Variants in LMNB1 observed in about 807,000 individuals in gnomAD.
LMNB1 encodes lamin-B1.
In LMNB1, 23 loss-of-function variants were observed where a neutral mutation model predicts 67.1. The observed-to-expected ratio is 0.34, with a 90% CI of 0.25 to 0.49. LMNB1 has a LOEUF of 0.49. LMNB1 is among the 20% of genes least tolerant of loss of function. The pLI is 0.99. For missense variants in LMNB1, 634 were observed against 746.5 expected (o/e 0.85, Z 1.76); for synonymous variants, 281 against 282.9 (o/e 0.99, Z 0.07).
At chr5:126,793,322 A>ATT (rs11397545) in intron 1 of LMNB1, among the ~76,000 whole-genome samples, 30 of 148,570 alleles carry the variant, frequency 2.0e-4, no homozygotes, top group South Asian at 1.3e-3. Flanking sequence ...TGTTACAGTG[A>ATT]TTTTTTTTTT....
rs899521049 is a variant in LMNB1 at position 126,777,562 on chromosome 5, C to A, written c.54C>A (p.Pro18=). The change falls in exon 1 of 11, where the codon CCC becomes CCA. Residue 18 remains proline, a synonymous_variant. Coordinates refer to ENST00000261366, the MANE Select transcript of LMNB1 (RefSeq NM_005573.4). Reference sequence around the variant, plus strand: ...GGATGGGCAGCCGCGCTGGCGGCCCCACCACGCCGCTGAGCCCCACGCGCC... The same window carrying A: ...GGATGGGCAGCCGCGCTGGCGGCCCAACCACGCCGCTGAGCCCCACGCGCC... ...PPRMGSRAGG[P]TTPLSPTRLS... The A allele has an allele frequency of 9.5e-6, 14 of 1,470,074 alleles. No homozygotes were observed. Among genetic ancestry groups the A allele is most frequent in the Non-Finnish European group, 1.3e-5 (14 of 1,106,984 alleles). 91.1% of individuals were successfully genotyped at this position (1,470,074 alleles called of 1,614,324 possible). A position where few individuals can be genotyped will look rare whatever the true frequency, so the allele number is the denominator to read the frequency against.
chr5:126,777,258 T>G lies in LMNB1; in HGVS notation c.-251T>G. On this transcript the variant is annotated 5_prime_UTR_variant, in exon 1 of 11. Coordinates refer to ENST00000261366, the MANE Select transcript of LMNB1 (RefSeq NM_005573.4). ...CCGCGTGCGTGTGTGAGTGGGTGTG[T>G]GTGTTTTCTTACAAAGGGTATTTCG... 2.8e-6 allele frequency: 1 copy of G among 352,336 alleles called. No homozygotes were observed. Among genetic ancestry groups the G allele is most frequent in the Non-Finnish European group, 5.1e-6 (1 of 197,960 alleles). 21.8% of individuals were successfully genotyped at this position (352,336 alleles called of 1,614,324 possible). A position where few individuals can be genotyped will look rare whatever the true frequency, so the allele number is the denominator to read the frequency against.
intron 1 of LMNB1, among the ~76,000 whole-genome samples, chr5:126,799,901 A>C (rs1399763841): frequency 6.6e-6 from 1 of 152,040 alleles, no homozygotes; most frequent in East Asian, 1.9e-4. Context: ...GCGGTAGCTG[A>C]CTCTTGAGTT....
rs201855609 is a variant in LMNB1, at chr5:126,798,784, T to TGTGC, written c.360-5991_360-5990insTGCG. Among the ~76,000 whole-genome samples the TGTGC allele has an allele frequency of 7.4e-3, 1,122 of 151,646 alleles. 9 individuals are homozygous for TGTGC. Among genetic ancestry groups the TGTGC allele is most frequent in the African/African-American group, 0.025 (1,023 of 41,320 alleles). ...AGAAGTGTGTGTGTGTGTGTGTGTGTGCGTGTGCTTGTAACATTTAGCAAA... is the reference window on the plus strand; with the variant it reads ...AGAAGTGTGTGTGTGTGTGTGTGTGTGTGCGCGTGTGCTTGTAACATTTAGCAAA... On this transcript the variant is annotated intron_variant, in intron 1 of 10. Transcript: ENST00000261366.
At chr5:126,779,726 C>T (rs1028873187) in intron 1 of LMNB1, among the ~76,000 whole-genome samples, 11 of 151,652 alleles carry the variant, frequency 7.3e-5, no homozygotes, top group African/African-American at 2.7e-4. Flanking sequence ...GGTGAAACCC[C>T]GTCTCTACTA....
intron 1 of LMNB1, among the ~76,000 whole-genome samples, chr5:126,779,032 G>A (rs1157962688): frequency 6.6e-6 from 1 of 152,162 alleles, no homozygotes. Flanking sequence ...GAAATTCATG[G>A]TCGCCATTAG....
In LMNB1 at chr5:126,777,420, G is replaced by T; in HGVS notation, c.-89G>T. ...ACGTGAGCGCAGGTCGCCGGTTTGT[G>T]CCTTCGGTCCCCGCTTCGCCCCCTG... On this transcript the variant is annotated 5_prime_UTR_variant, in exon 1 of 11. Coordinates refer to ENST00000261366, the MANE Select transcript of LMNB1 (RefSeq NM_005573.4). 3 of 1,245,198 alleles carry T rather than the reference G, an allele frequency of 2.4e-6. No homozygotes were observed. Among genetic ancestry groups the T allele is most frequent in the Non-Finnish European group, 3.0e-6 (3 of 995,304 alleles). 77.1% of individuals were successfully genotyped at this position (1,245,198 alleles called of 1,614,324 possible).
intron 3 of LMNB1, 99 bp from the exon 4 acceptor site, chr5:126,810,081 T>A: frequency 9.0e-7 from 1 of 1,110,850 alleles, no homozygotes; most frequent in Non-Finnish European, 1.3e-6. Context: ...CAGGAGGAAG[T>A]TCGTGTGTAA....
chr5:126,821,169 C>T, intron 7 of LMNB1, 34 bp downstream of exon 7: 1 of 1,397,404 alleles, frequency 7.2e-7, no homozygotes. Context: ...TCTAGCAAGG[C>T]TTTGTGGATT....
At chr5:126,783,241 C>A (rs1339745835) in intron 1 of LMNB1, among the ~76,000 whole-genome samples, 2 of 151,806 alleles carry the variant, frequency 1.3e-5, no homozygotes, top group Non-Finnish European at 2.9e-5. Context: ...AAAAAACAAA[C>A]CTTCATCATC....
chr5:126,791,189 T>C (rs2112933923), intron 1 of LMNB1, among the ~76,000 whole-genome samples: 1 of 152,190 alleles, frequency 6.6e-6, no homozygotes, highest in East Asian at 1.9e-4. Context: ...TGTTCCTTGT[T>C]GTAGATCTCT....
intron 1 of LMNB1, 75 bp from the exon 2 acceptor site, chr5:126,804,701 C>T: frequency 7.5e-7 from 1 of 1,327,172 alleles, no homozygotes; most frequent in South Asian, 1.5e-5. Flanking sequence ...TTTTGTTTGT[C>T]CCTTCAGCAG....
chr5:126,787,546 A>ATATATATATATATATATATTT, intron 1 of LMNB1, among the ~76,000 whole-genome samples: 19 of 65,558 alleles, frequency 2.9e-4, no homozygotes, highest in African/African-American at 9.2e-4. Context: ...ATATATATAT[A>ATATATATATATATATATATTT]TTTTTTTTTT....
rs1273815816 is a variant in LMNB1 at position 126,836,946 on chromosome 5, T to C, written c.*682T>C. On this transcript the variant is annotated 3_prime_UTR_variant, in exon 11 of 11. Coordinates refer to ENST00000261366, the MANE Select transcript of LMNB1 (RefSeq NM_005573.4). ...TTTCTCTATTAAAATGCATTCGTTGTGTTTTTTAAGATAGTGTAACTTGCT... is the reference window on the plus strand; with the variant it reads ...TTTCTCTATTAAAATGCATTCGTTGCGTTTTTTAAGATAGTGTAACTTGCT... 1 of 398,216 alleles carries C rather than the reference T, an allele frequency of 2.5e-6. No individual in the cohort carries two copies. The highest frequency in any genetic ancestry group is 4.4e-6 in the Non-Finnish European group (1 of 225,946). 24.7% of individuals were successfully genotyped at this position (398,216 alleles called of 1,614,324 possible).
intron 3 of LMNB1, among the ~76,000 whole-genome samples, chr5:126,809,971 T>C (rs999448311): frequency 2.0e-5 from 3 of 151,580 alleles, no homozygotes; most frequent in African/African-American, 7.3e-5. Context: ...TTCCTAAGGC[T>C]TGAGATGCTA....
In LMNB1 at chr5:126,827,183, T is replaced by G. The variant is rs1481289835; in HGVS notation, c.1611+1076T>G. Among the ~76,000 whole-genome samples, 3 of 152,156 alleles carry G rather than the reference T, an allele frequency of 2.0e-5. No individual in the cohort carries two copies. The East Asian group carries it at 5.8e-4, about 29-fold the overall frequency. On this transcript the variant is annotated intron_variant, in intron 9 of 10. Coordinates refer to ENST00000261366, the MANE Select transcript of LMNB1 (RefSeq NM_005573.4). ...TAGGGAAGCTAACCATATTTACAAG[T>G]GCAGGGCTATTCATTTATTTGGAAA...
chr5:126,777,571 G>A lies in LMNB1; in HGVS notation c.63G>A (p.Pro21=). Residue 21 remains proline, a synonymous_variant, in exon 1 of 11, where the codon CCG becomes CCA. Coordinates refer to ENST00000261366, the MANE Select transcript of LMNB1 (RefSeq NM_005573.4). ...MGSRAGGPTT[P]LSPTRLSRLQ... ...GCCGCGCTGGCGGCCCCACCACGCCGCTGAGCCCCACGCGCCTGTCGCGGC... is the reference window on the plus strand; with the variant it reads ...GCCGCGCTGGCGGCCCCACCACGCCACTGAGCCCCACGCGCCTGTCGCGGC... 2 of 1,510,224 alleles carry A rather than the reference G, an allele frequency of 1.3e-6. No individual in the cohort carries two copies. Among genetic ancestry groups the A allele is most frequent in the Non-Finnish European group, 1.8e-6 (2 of 1,129,106 alleles). The allele number at this position is 1,510,224 out of a possible 1,614,324, so 93.6% of individuals were successfully genotyped here.
intron 1 of LMNB1, among the ~76,000 whole-genome samples, chr5:126,788,044 C>T (rs1188797526): frequency 2.6e-5 from 4 of 151,928 alleles, no homozygotes; most frequent in South Asian, 2.1e-4. Flanking sequence ...TGAACTGAGG[C>T]AGGTGGAAGA....
intron 1 of LMNB1, among the ~76,000 whole-genome samples, chr5:126,786,094 A>G (rs1261375409): frequency 1.4e-5 from 2 of 143,368 alleles, no homozygotes; most frequent in Non-Finnish European, 3.0e-5. Context: ...ATTACAGTAG[A>G]TGCTTTACAG....
Sources: allele counts gnomAD v4.1 joint callset (sites outside exome capture counted in the v4.1 genomes callset), GRCh38; gene constraint gnomAD v4.1.1; transcripts MANE v1.5; gene names NCBI Gene and HGNC (gene_info 2026-07-23, HGNC 2026-07-21).